The following MGST1 variants were observed in gnomAD, a reference collection of about 807,000 sequenced individuals.
MGST1 encodes microsomal glutathione S-transferase 1, also known as glutathione S-transferase 12.
MGST1 carries 5 observed loss-of-function variants against 8.9 expected under a neutral mutation model. That is an observed-to-expected ratio of 0.56 (90% CI 0.29 to 1.19). The LOEUF (loss-of-function observed/expected upper bound fraction) is 1.19, where lower values mean the gene tolerates loss of function less well. MGST1 is among the 50% of genes most tolerant of loss of function. The pLI is 0.08. For synonymous variants in MGST1, 54 were observed against 67.8 expected (o/e 0.80, Z 1.00); for missense variants, 182 against 187.4 (o/e 0.97, Z 0.17).
intron 1 of MGST1, among the ~76,000 whole-genome samples, chr12:16,391,040 T>C (rs1940547666): frequency 6.6e-6 from 1 of 152,200 alleles, no homozygotes; most frequent in Non-Finnish European, 1.5e-5. Context: ...GGTTTTGATT[T>C]GCATTTCTCT....
intron 4 of MGST1, chr12:16,573,427 G>T (rs907825279): frequency 6.6e-6 from 1 of 152,144 alleles, no homozygotes; most frequent in Non-Finnish European, 1.5e-5. Context: ...ATTTGAACGC[G>T]TGTGTGCGTG....
rs1303501563 is a variant in MGST1 at position 16,500,539 on chromosome 12, A to G, written n.483-88989A>G. On this transcript the variant is annotated intron_variant and non_coding_transcript_variant, in intron 4 of 4. Coordinates refer to the MGST1 transcript ENST00000538857. This position sits in a 1 kb window ranked among gnomAD's most constrained non-coding sequence, Gnocchi z 4.3. ...GGAAAAGATACTTATTTTGTGTGCC[A>G]GTCCTGTCCTTTGATGGTGGTGCTT... is the stretch of plus-strand genomic sequence containing the variant. 2.0e-5 allele frequency among the ~76,000 whole-genome samples: 3 copies of G among 152,204 alleles called. No homozygotes were observed. Among genetic ancestry groups the G allele is most frequent in the Admixed American group, 2.0e-4 (3 of 15,276 alleles).
In MGST1 at chr12:16,513,734, GCGA is replaced by G. The variant is rs1941592432; in HGVS notation, n.483-75793_483-75791del. The G allele has an allele frequency of 1.1e-5, 6 of 569,742 alleles. No individual in the cohort carries two copies. The highest frequency in any genetic ancestry group is 2.1e-5 in the Non-Finnish European group (6 of 284,660). 35.3% of individuals were successfully genotyped at this position (569,742 alleles called of 1,614,324 possible). Reference sequence around the variant, plus strand: ...GCAGAAGTAGCCTTGGGCGAGAATAGCGAAGTCTCGAAAAGTGGCCGGTTTGTC... The same window carrying G: ...GCAGAAGTAGCCTTGGGCGAGAATAGAGTCTCGAAAAGTGGCCGGTTTGTC... On this transcript the variant is annotated intron_variant and non_coding_transcript_variant, in intron 4 of 4. Coordinates refer to the MGST1 transcript ENST00000538857. The surrounding 1 kb of genome is among the most constrained non-coding windows in gnomAD (Gnocchi z 4.2).
At chr12:16,557,014 G>C (rs1942216234) in intron 4 of MGST1, among the ~76,000 whole-genome samples, 1 of 152,146 alleles carries the variant, frequency 6.6e-6, no homozygotes, top group East Asian at 1.9e-4. Context: ...CAAAATTTAG[G>C]AGTGTTTGTC....
intron 1 of MGST1, among the ~76,000 whole-genome samples, chr12:16,386,715 T>G (rs752571393): frequency 1.3e-5 from 2 of 152,202 alleles, no homozygotes; most frequent in Non-Finnish European, 2.9e-5. Flanking sequence ...TGTCTCAGTT[T>G]TCCTTTCTGC....
intron 4 of MGST1, among the ~76,000 whole-genome samples, chr12:16,486,561 C>T (rs1591742779): frequency 6.6e-6 from 1 of 152,084 alleles, no homozygotes; most frequent in Non-Finnish European, 1.5e-5. Flanking sequence ...TTACAGAATG[C>T]TATTTAGAAA....
intron 4 of MGST1, among the ~76,000 whole-genome samples, chr12:16,502,190 TTTGA>T (rs778354098): frequency 6.6e-6 from 1 of 152,174 alleles, no homozygotes; most frequent in African/African-American, 2.4e-5. Flanking sequence ...AACTTTTCTG[TTTGA>T]TTATGAAGAG....
intron 4 of MGST1, among the ~76,000 whole-genome samples, chr12:16,448,817 T>C (rs1941104641): frequency 1.3e-5 from 2 of 151,936 alleles, no homozygotes; most frequent in Non-Finnish European, 2.9e-5. Flanking sequence ...AATGCATGAC[T>C]GTGTTAATGA....
At chr12:16,470,188 TA>T (rs771511082) in intron 4 of MGST1, among the ~76,000 whole-genome samples, 3 of 151,690 alleles carry the variant, frequency 2.0e-5, no homozygotes, top group South Asian at 2.1e-4. Context: ...ACTTTCTACA[TA>T]AAAAAAAATC....
chr12:16,437,835 T>A (rs1182708150), exon 2 of MGST1: 1 of 150,662 alleles, frequency 6.6e-6, no homozygotes, highest in African/African-American at 2.4e-5. Flanking sequence ...ACAAATTTTA[T>A]CATAAGGTGA....
chr12:16,358,020 G>A (rs1034763555), intron 3 of MGST1, among the ~76,000 whole-genome samples: 2 of 152,154 alleles, frequency 1.3e-5, no homozygotes, highest in Non-Finnish European at 2.9e-5. Flanking sequence ...TTTGTCCATA[G>A]GTGAGACTGT....
At position 16,550,481 on chromosome 12, in the gene MGST1, G is replaced by A. The variant is rs960817140; in HGVS notation, n.483-39047G>A. ...AGGATATTAAAAGGAAACCTGTTAA[G>A]CTTTAAAGTTATTCTAAAAATGGCA... On this transcript the variant is annotated intron_variant and non_coding_transcript_variant, in intron 4 of 4. Transcript: ENST00000538857. 3 of 152,368 alleles carry A rather than the reference G, an allele frequency of 2.0e-5. No individual in the cohort carries two copies. In the South Asian group the frequency reaches 6.2e-4, roughly 32 times the overall value. The allele number at this position is 152,368 out of a possible 1,614,324, so 9.4% of individuals were successfully genotyped here.
At position 16,560,605 on chromosome 12, in the gene MGST1, A is replaced by G; in HGVS notation, n.483-28923A>G. 1 of 1,411,940 alleles carries G rather than the reference A, an allele frequency of 7.1e-7. No individual in the cohort carries two copies. Among genetic ancestry groups the G allele is most frequent in the Non-Finnish European group, 9.9e-7 (1 of 1,012,778 alleles). The allele number at this position is 1,411,940 out of a possible 1,614,324, so 87.5% of individuals were successfully genotyped here. A position where few individuals can be genotyped will look rare whatever the true frequency, so the allele number is the denominator to read the frequency against. On this transcript the variant is annotated intron_variant and non_coding_transcript_variant, in intron 4 of 4. Transcript: ENST00000538857. This position sits in a 1 kb window ranked among gnomAD's most constrained non-coding sequence, Gnocchi z 5.0. ...GAGAAATCTGAGATCGTGAAGAGAG[A>G]TGATGTTAATATACTCTGTAAAGCT...
chr12:16,534,108 G>A (rs1194196338), intron 4 of MGST1, among the ~76,000 whole-genome samples: 4 of 152,058 alleles, frequency 2.6e-5, no homozygotes, highest in African/African-American at 9.7e-5. Context: ...AAGGCAGTGG[G>A]ATATCAACTC....
intron 4 of MGST1, among the ~76,000 whole-genome samples, chr12:16,558,386 G>A (rs759206886): frequency 1.3e-5 from 2 of 151,928 alleles, no homozygotes; most frequent in African/African-American, 2.4e-5. Context: ...TCCATAATGG[G>A]AACTGCATGG....
At chr12:16,507,294 G>A (rs1487034527) in intron 4 of MGST1, among the ~76,000 whole-genome samples, 1 of 152,124 alleles carries the variant, frequency 6.6e-6, no homozygotes, top group Non-Finnish European at 1.5e-5. Flanking sequence ...ATGTGGTGGG[G>A]TGGAGAAATG....
In MGST1 at chr12:16,572,693, T is replaced by G. The variant is rs531400681; in HGVS notation, n.483-16835T>G. On this transcript the variant is annotated intron_variant and non_coding_transcript_variant, in intron 4 of 4. Transcript: ENST00000538857. Reference sequence around the variant, plus strand: ...AAATATATAGATTATATATATAATTTAAATATATTATATATAATTTAAATA... The same window carrying G: ...AAATATATAGATTATATATATAATTGAAATATATTATATATAATTTAAATA... Among the ~76,000 whole-genome samples the G allele has an allele frequency of 2.0e-5, 3 of 147,840 alleles. No individual in the cohort carries two copies. The East Asian group carries it at 5.9e-4, about 29-fold the overall frequency.
chr12:16,439,617 C>T (rs1221776849), downstream of MGST1, among the ~76,000 whole-genome samples: 7 of 151,730 alleles, frequency 4.6e-5, no homozygotes, highest in Non-Finnish European at 7.4e-5. Context: ...TAATATTTCT[C>T]AAGGTGGAGG....
chr12:16,532,694 C>A (rs1234865273), intron 4 of MGST1, among the ~76,000 whole-genome samples: 1 of 152,116 alleles, frequency 6.6e-6, no homozygotes, highest in Non-Finnish European at 1.5e-5. Context: ...ACCTGGAATT[C>A]TGCAATTTCC....
Sources: allele counts gnomAD v4.1 joint callset (sites outside exome capture counted in the v4.1 genomes callset), GRCh38; gene constraint gnomAD v4.1.1; non-coding constraint Gnocchi (gnomAD v3.1); transcripts MANE v1.5; gene names NCBI Gene and HGNC (gene_info 2026-07-23, HGNC 2026-07-21).